Variants in GALNT10 observed in about 807,000 individuals in gnomAD.
The protein encoded by GALNT10 is GalNAc transferase 10.
In GALNT10, 41 loss-of-function variants were observed where a neutral mutation model predicts 75.0. The observed-to-expected ratio is 0.55, with a 90% CI of 0.43 to 0.71. The LOEUF (loss-of-function observed/expected upper bound fraction) is 0.71, where lower values mean the gene tolerates loss of function less well. Among genes scored for constraint, GALNT10 ranks in the 30% least tolerant of loss-of-function variants. GALNT10 has a pLI of 0.00. For missense variants in GALNT10, 727 were observed against 818.5 expected, an observed-to-expected ratio of 0.89 and a Z score of 1.36; for synonymous variants, 302 against 313.0, an observed-to-expected ratio of 0.96 and a Z score of 0.37.
intron 1 of GALNT10, among the ~76,000 whole-genome samples, chr5:154,255,098 A>G (rs575464281): frequency 1.6e-4 from 25 of 152,228 alleles, no homozygotes; most frequent in South Asian, 6.2e-4. Flanking sequence ...GGATACAGGC[A>G]TGAGTCACCA....
chr5:154,391,543 T>G (rs927086321), intron 7 of GALNT10, among the ~76,000 whole-genome samples: 2 of 152,232 alleles, frequency 1.3e-5, no homozygotes, highest in African/African-American at 4.8e-5. Context: ...GGACAAGTCT[T>G]TAACTCCATA....
rs57710576 is a variant in GALNT10, at chr5:154,363,492, GAAAAAAAAAAA to G, written c.569-12766_569-12756del. On this transcript the variant is annotated intron_variant, in intron 4 of 11. Coordinates refer to ENST00000297107, the MANE Select transcript of GALNT10 (RefSeq NM_198321.4). Reference sequence around the variant, plus strand: ...AAGGATTTTGTGCCAGCGTTTATCTGAAAAAAAAAAAAAAAAAAAAAAAAAAAAAGGCTCCA... The same window carrying G: ...AAGGATTTTGTGCCAGCGTTTATCTGAAAAAAAAAAAAAAAAAAGGCTCCA... Among the ~76,000 whole-genome samples the G allele has an allele frequency of 3.5e-3, 131 of 37,546 alleles. 1 individual carries two copies. The highest frequency in any genetic ancestry group is 5.4e-3 in the African/African-American group (69 of 12,684). The allele number at this position is 37,546 out of a possible 152,430, so 24.6% of individuals were successfully genotyped here. A position where few individuals can be genotyped will look rare whatever the true frequency, so the allele number is the denominator to read the frequency against.
At chr5:154,223,581 A>T (rs1753016056) in intron 1 of GALNT10, among the ~76,000 whole-genome samples, 1 of 152,218 alleles carries the variant, frequency 6.6e-6, no homozygotes. Flanking sequence ...GCCTTGAAGG[A>T]TGTACTTAAC....
At chr5:154,225,062 G>T (rs192508513) in intron 1 of GALNT10, among the ~76,000 whole-genome samples, 1 of 151,114 alleles carries the variant, frequency 6.6e-6, no homozygotes, top group African/African-American at 2.4e-5. Context: ...CATTACAGGC[G>T]TGAGCCACCA....
At position 154,380,537 on chromosome 5, in the gene GALNT10, G is replaced by A. The variant is rs377273675; in HGVS notation, c.844G>A (p.Asp282Asn). Residue 282 changes from aspartate (D) to asparagine (N), a missense_variant, in exon 6 of 12, where the codon GAT (aspartate) becomes AAT (asparagine). Asp to Asn is a conservative substitution (Grantham distance 23). Coordinates refer to ENST00000297107, the MANE Select transcript of GALNT10 (RefSeq NM_198321.4). ...DDFRYETQAG[D>N]AMRGAFDWEM... ...CTTTCGGTACGAGACACAGGCAGGG[G>A]ATGCCATGCGGGGAGCCTTTGACTG... The A allele has an allele frequency of 6.2e-7, 1 of 1,613,614 alleles. No homozygotes were observed. Among genetic ancestry groups the A allele is most frequent in the Non-Finnish European group, 8.5e-7 (1 of 1,179,648 alleles).
intron 4 of GALNT10, among the ~76,000 whole-genome samples, chr5:154,337,150 G>A (rs1467088107): frequency 2.0e-5 from 3 of 151,966 alleles, no homozygotes; most frequent in African/African-American, 4.8e-5. Flanking sequence ...TTTATTCAGC[G>A]TCATGATCAG....
chr5:154,334,710 A>G (rs1334807835), intron 4 of GALNT10, among the ~76,000 whole-genome samples: 2 of 152,208 alleles, frequency 1.3e-5, no homozygotes, highest in African/African-American at 2.4e-5. Flanking sequence ...CTCCAGCTCA[A>G]CTGCCTTTCT....
chr5:154,394,181 T>A (rs1461595975), intron 7 of GALNT10, among the ~76,000 whole-genome samples: 2 of 152,034 alleles, frequency 1.3e-5, no homozygotes, highest in Admixed American at 1.3e-4. Context: ...GTCAGGAAGG[T>A]CTTTGAGCTT....
At chr5:154,408,262 G>T (rs1756324331) in intron 8 of GALNT10, among the ~76,000 whole-genome samples, 1 of 152,118 alleles carries the variant, frequency 6.6e-6, no homozygotes, top group Admixed American at 6.6e-5. Flanking sequence ...TGCTCCTAGA[G>T]CAATCCTTCA....
Position 154,416,440 on chromosome 5 carries a change from T to C in GALNT10, c.1654-374T>C, listed in dbSNP as rs1377765869. ...AGAGTGAGAACCTGTCTCAAAAAAA[T>C]TAAAAAAATTAAAAAAATAAAAGAT... On this transcript the variant is annotated intron_variant, in intron 11 of 11. Coordinates refer to ENST00000297107, the MANE Select transcript of GALNT10 (RefSeq NM_198321.4). The surrounding 1 kb of genome is among the most constrained non-coding windows in gnomAD (Gnocchi z 4.5). Among the ~76,000 whole-genome samples the C allele has an allele frequency of 8.0e-6, 1 of 124,562 alleles. No homozygotes were observed. Among genetic ancestry groups the C allele is most frequent in the African/African-American group, 3.2e-5 (1 of 31,578 alleles). The allele number at this position is 124,562 out of a possible 152,430, so 81.7% of individuals were successfully genotyped here. A position where few individuals can be genotyped will look rare whatever the true frequency, so the allele number is the denominator to read the frequency against.
intron 7 of GALNT10, chr5:154,388,911 GAA>G (rs1413266721): frequency 2.8e-5 from 4 of 144,598 alleles, no homozygotes; most frequent in African/African-American, 1.0e-4. Context: ...AAGAAGGAAA[GAA>G]AGAGAGAGAG....
At chr5:154,218,373 T>C (rs186701770) in intron 1 of GALNT10, among the ~76,000 whole-genome samples, 35 of 152,328 alleles carry the variant, frequency 2.3e-4, no homozygotes, top group Non-Finnish European at 4.0e-4. Context: ...TGAAGAGCCG[T>C]GGAATGAATT....
At chr5:154,338,163 C>A in intron 4 of GALNT10, 1 of 807,500 alleles carries the variant, frequency 1.2e-6, no homozygotes, top group Admixed American at 1.7e-5. Context: ...CTTGAGACAG[C>A]TCTCTTTGGT....
At chr5:154,397,727 G>A (rs891127689) in intron 7 of GALNT10, among the ~76,000 whole-genome samples, 7 of 152,224 alleles carry the variant, frequency 4.6e-5, no homozygotes, top group East Asian at 1.9e-4. Flanking sequence ...AGATGCCAAC[G>A]GCAAAAGCCG....
intron 1 of GALNT10, among the ~76,000 whole-genome samples, chr5:154,233,327 T>A (rs919180876): frequency 1.3e-5 from 2 of 152,170 alleles, no homozygotes; most frequent in Admixed American, 6.5e-5. Flanking sequence ...GCTTGTCCTT[T>A]GAGTGCGGCA....
chr5:154,353,448 TC>T (rs1755241896), intron 4 of GALNT10, among the ~76,000 whole-genome samples: 1 of 150,432 alleles, frequency 6.6e-6, no homozygotes, highest in East Asian at 1.9e-4. Flanking sequence ...CACCCCACCT[TC>T]CAAGGGGAGC....
At chr5:154,200,296 G>T (rs1775006371) in intron 1 of GALNT10, among the ~76,000 whole-genome samples, 1 of 152,194 alleles carries the variant, frequency 6.6e-6, no homozygotes, top group Non-Finnish European at 1.5e-5. Flanking sequence ...GTTCGCCAGG[G>T]TTCTGTGTGT....
At chr5:154,296,073 TTTTG>T (rs569444906) in intron 2 of GALNT10, among the ~76,000 whole-genome samples, 268 of 152,132 alleles carry the variant, frequency 1.8e-3, no homozygotes, top group African/African-American at 5.9e-3. Context: ...GCTGCTCTTT[TTTTG>T]TTTGTTTGTT....
intron 1 of GALNT10, among the ~76,000 whole-genome samples, chr5:154,269,770 T>C (rs1186374938): frequency 6.6e-6 from 1 of 151,694 alleles, no homozygotes; most frequent in Admixed American, 6.6e-5. Flanking sequence ...CATTAGAGAG[T>C]CTGGGACATC....
Sources: allele counts gnomAD v4.1 joint callset (sites outside exome capture counted in the v4.1 genomes callset), GRCh38; gene constraint gnomAD v4.1.1; non-coding constraint Gnocchi (gnomAD v3.1); transcripts MANE v1.5; gene names NCBI Gene and HGNC (gene_info 2026-07-23, HGNC 2026-07-21).